Variants in HMGXB4 observed in about 807,000 individuals in gnomAD.
HMGXB4 encodes the protein HMG-box containing 4, also known as HMG domain-containing protein 4.
Under a neutral mutation model 63.9 loss-of-function variants are expected in HMGXB4, and 27 were observed. The ratio of observed to expected loss-of-function variants is 0.42; its 90% CI spans 0.31 to 0.58. The LOEUF (loss-of-function observed/expected upper bound fraction) is 0.58. HMGXB4 is among the 20% of genes least tolerant of loss of function. The pLI is 0.13. For synonymous variants in HMGXB4, 264 were observed against 265.3 expected (o/e 0.99, Z 0.05); for missense variants, 624 against 700.7 (o/e 0.89, Z 1.24).
At chr22:35,249,049 T>C in the HMGXB4 span, among the ~76,000 whole-genome samples, 4 of 152,192 alleles carry the variant, frequency 2.6e-5, no homozygotes, top group Non-Finnish European at 5.9e-5. Flanking sequence ...GCTAAATTTA[T>C]TTTTATAATT....
At chr22:35,282,910 G>A (rs1033945288) in intron 5 of HMGXB4, among the ~76,000 whole-genome samples, 2 of 152,232 alleles carry the variant, frequency 1.3e-5, no homozygotes, top group Non-Finnish European at 2.9e-5. Context: ...GAAATGGAAT[G>A]CATAGAAATA....
At chr22:35,273,527 TGTTACA>T (rs1206745123) in intron 5 of HMGXB4, among the ~76,000 whole-genome samples, 2 of 152,254 alleles carry the variant, frequency 1.3e-5, no homozygotes, top group African/African-American at 4.8e-5. Flanking sequence ...AAATGTCAGC[TGTTACA>T]GTTACTTTCG....
chr22:35,275,916 TATTA>T (rs1818007660), intron 5 of HMGXB4, among the ~76,000 whole-genome samples: 1 of 152,228 alleles, frequency 6.6e-6, no homozygotes, highest in Non-Finnish European at 1.5e-5. Context: ...ATTAACATTT[TATTA>T]ATTAAAGAAG....
chr22:35,261,435 CA>C lies in HMGXB4; in HGVS notation c.-68-871del, dbSNP rs35534975. ...TGGGCAACAGAGCAAGACTCTATCT[CA>C]AAAAAAAAAAAAAAAATCCTTTTAC... On this transcript the variant is annotated intron_variant, in intron 1 of 10. Coordinates refer to ENST00000216106, the MANE Select transcript of HMGXB4 (RefSeq NM_001003681.3). Among the ~76,000 whole-genome samples, 1,025 of 125,200 alleles carry C rather than the reference CA, an allele frequency of 8.2e-3. 11 individuals are homozygous for C. Among genetic ancestry groups the C allele is most frequent in the Middle Eastern group, 0.028 (7 of 250 alleles). 82.1% of individuals were successfully genotyped at this position (125,200 alleles called of 152,430 possible).
intron 9 of HMGXB4, 116 bp downstream of exon 9, chr22:35,288,523 G>T: frequency 1.4e-6 from 1 of 702,284 alleles, no homozygotes. Context: ...GCTAAATTAT[G>T]CCAGGTTCTC....
At chr22:35,257,792 G>A (rs1438271677) in intron 1 of HMGXB4, among the ~76,000 whole-genome samples, 1 of 152,088 alleles carries the variant, frequency 6.6e-6, no homozygotes, top group Non-Finnish European at 1.5e-5. Context: ...CTGTTCAAAC[G>A]GGGAAGGCGG....
chr22:35,269,629 C>T (rs1345923408), intron 5 of HMGXB4, among the ~76,000 whole-genome samples: 1 of 152,090 alleles, frequency 6.6e-6, no homozygotes, highest in Non-Finnish European at 1.5e-5. Flanking sequence ...TGGCAGCAGG[C>T]AGTTTGGGGT....
intron 5 of HMGXB4, among the ~76,000 whole-genome samples, chr22:35,269,775 G>C (rs1923488170): frequency 6.6e-6 from 1 of 152,176 alleles, no homozygotes; most frequent in African/African-American, 2.4e-5. Context: ...AAATCTAAGA[G>C]ACAGGAGGAT....
intron 9 of HMGXB4, among the ~76,000 whole-genome samples, chr22:35,292,401 T>C (rs1924985812): frequency 6.6e-6 from 1 of 152,220 alleles, no homozygotes; most frequent in Non-Finnish European, 1.5e-5. Flanking sequence ...ATTCTCACAC[T>C]GCTTCTAGTT....
Position 35,263,850 on chromosome 22 carries a change from T to C in HMGXB4, c.235T>C (p.Ser79Pro). ...TDTHKKKRKHSSDDYYYGDIS... is the reference protein window; with the variant it reads ...TDTHKKKRKHPSDDYYYGDIS... ...CACACACAAGAAGAAGAGGAAGCAC[T>C]CCTCTGATGATTACTACTATGGAGG... The change falls in exon 4 of 11, where the codon TCC becomes CCC. Residue 79 changes from serine to proline, a missense_variant. Ser to Pro is a moderately conservative substitution (Grantham distance 74, BLOSUM62 -1). Around this residue, in one of 2 missense-constraint regions of HMGXB4, gnomAD observed 472 missense variants for 470.6 expected, o/e 1.00. Coordinates refer to ENST00000216106, the MANE Select transcript of HMGXB4 (RefSeq NM_001003681.3). 1 of 1,613,652 alleles carries C rather than the reference T, an allele frequency of 6.2e-7. No individual in the cohort carries two copies. The highest frequency in any genetic ancestry group is 1.1e-5 in the South Asian group (1 of 91,058).
At chr22:35,284,187 T>G in intron 6 of HMGXB4, 144 bp downstream of exon 6, 1 of 597,508 alleles carries the variant, frequency 1.7e-6, no homozygotes, top group Non-Finnish European at 3.0e-6. Flanking sequence ...TTGCCTTAGT[T>G]TATCTCATCT....
the HMGXB4 span, among the ~76,000 whole-genome samples, chr22:35,241,807 T>C: frequency 3.3e-5 from 5 of 152,226 alleles, no homozygotes; most frequent in Non-Finnish European, 5.9e-5. Context: ...AGCAGTCCAC[T>C]TCCTTCAGAG....
chr22:35,271,618 A>AG (rs1273528739), intron 5 of HMGXB4, among the ~76,000 whole-genome samples: 2 of 152,182 alleles, frequency 1.3e-5, no homozygotes, highest in Non-Finnish European at 2.9e-5. Context: ...CTTGCTTCCT[A>AG]GGGTTGTGAG....
At chr22:35,292,940 G>A (rs981367159) in intron 9 of HMGXB4, 52 bp from the exon 10 acceptor site, 46 of 1,611,762 alleles carry the variant, frequency 2.9e-5, no homozygotes, top group South Asian at 2.4e-4. Flanking sequence ...GAAGTCAGCC[G>A]GAACACAGCA....
chr22:35,266,162 A>G (rs1446559754), intron 5 of HMGXB4, among the ~76,000 whole-genome samples: 1 of 152,136 alleles, frequency 6.6e-6, no homozygotes, highest in Non-Finnish European at 1.5e-5. Flanking sequence ...TTTTCCAGCT[A>G]GTTCTTAGAA....
chr22:35,281,662 G>A (rs531224585), intron 5 of HMGXB4, among the ~76,000 whole-genome samples: 3 of 152,326 alleles, frequency 2.0e-5, no homozygotes, highest in African/African-American at 4.8e-5. Flanking sequence ...AATGTTCTCA[G>A]TATTTAATAG....
chr22:35,283,535 A>G (rs932604307), intron 5 of HMGXB4, among the ~76,000 whole-genome samples: 20 of 152,200 alleles, frequency 1.3e-4, no homozygotes, highest in African/African-American at 3.4e-4. Context: ...CAAGCCTGTA[A>G]TCCCAGCACT....
chr22:35,294,395 GA>G lies in HMGXB4; in HGVS notation c.*746del, dbSNP rs1382988484. 1 of 152,572 alleles carries G rather than the reference GA, an allele frequency of 6.6e-6. No individual in the cohort carries two copies. Among genetic ancestry groups the G allele is most frequent in the African/African-American group, 2.4e-5 (1 of 41,426 alleles). The allele number at this position is 152,572 out of a possible 1,614,324, so 9.5% of individuals were successfully genotyped here. Reference sequence around the variant, plus strand: ...CCTCCATACATTCTGAGCTAACCCAGAATCTTTAGTCGGCAGAATTAAGTGC... The same window carrying G: ...CCTCCATACATTCTGAGCTAACCCAGATCTTTAGTCGGCAGAATTAAGTGC... On this transcript the variant is annotated 3_prime_UTR_variant, in exon 11 of 11. Transcript: ENST00000216106.
chr22:35,272,778 A>G (rs1310823534), intron 5 of HMGXB4, among the ~76,000 whole-genome samples: 2 of 151,980 alleles, frequency 1.3e-5, no homozygotes, highest in Non-Finnish European at 2.9e-5. Context: ...TACTAAAAGT[A>G]CAAAAATTAG....
Sources: allele counts gnomAD v4.1 joint callset (sites outside exome capture counted in the v4.1 genomes callset), GRCh38; gene constraint gnomAD v4.1.1; regional missense constraint gnomAD v4.1.1; transcripts MANE v1.5; gene names NCBI Gene and HGNC (gene_info 2026-07-23, HGNC 2026-07-21).